The following DNAH9 variants were observed in gnomAD, a reference collection of about 807,000 sequenced individuals.
The protein encoded by DNAH9 is DNAH9 variant protein.
Under a neutral mutation model 471.6 loss-of-function variants are expected in DNAH9, and 345 were observed. The observed-to-expected ratio is 0.73, with a 90% CI of 0.67 to 0.80. DNAH9 has a LOEUF of 0.80. Among genes scored for constraint, DNAH9 ranks in the 30% least tolerant of loss-of-function variants. The probability of loss-of-function intolerance (pLI) is 0.00; values close to 1 mark genes in which losing one functional copy is unlikely to be tolerated. For synonymous variants in DNAH9, 2,093 were observed against 2,123.6 expected, an observed-to-expected ratio of 0.99 and a Z score of 0.40; for missense variants, 5,407 against 5,609.2, an observed-to-expected ratio of 0.96 and a Z score of 1.15.
intron 30 of DNAH9, 67 bp downstream of exon 30, chr17:11,742,380 G>A (rs1185734580): frequency 8.6e-6 from 13 of 1,517,276 alleles, no homozygotes; most frequent in South Asian, 1.2e-5. Flanking sequence ...AAAAGTTCTG[G>A]AACAAATGTA....
chr17:11,680,238 G>A (rs1196525688), intron 18 of DNAH9, among the ~76,000 whole-genome samples: 1 of 147,070 alleles, frequency 6.8e-6, no homozygotes, highest in South Asian at 2.1e-4. Flanking sequence ...CAATGTTTTG[G>A]TTGAGAAAAA....
chr17:11,813,887 A>G (rs968414017), intron 45 of DNAH9, among the ~76,000 whole-genome samples: 5 of 152,214 alleles, frequency 3.3e-5, no homozygotes, highest in Non-Finnish European at 7.3e-5. Flanking sequence ...AAAATATTAA[A>G]TTAGGTTCCT....
intron 13 of DNAH9, among the ~76,000 whole-genome samples, chr17:11,652,327 C>T (rs1161828131): frequency 5.0e-5 from 7 of 139,200 alleles, no homozygotes; most frequent in Non-Finnish European, 9.2e-5. Context: ...GCTCTGTCAC[C>T]CAGGCTGGAG....
chr17:11,894,500 A>C lies in DNAH9; in HGVS notation c.11406+4A>C. 6.2e-7 allele frequency: 1 copy of C among 1,610,072 alleles called. No homozygotes were observed. The highest frequency in any genetic ancestry group is 1.1e-5 in the South Asian group (1 of 90,996). ...TCAGGCGTGGGGAGCTGTCAAGGTCAGTATTGACCCCTAGAAAAAAGCCAA... is the reference window on the plus strand; with the variant it reads ...TCAGGCGTGGGGAGCTGTCAAGGTCCGTATTGACCCCTAGAAAAAAGCCAA... On this transcript the variant is annotated splice_donor_region_variant and intron_variant, in intron 59 of 68. Transcript: ENST00000262442.
chr17:11,795,719 T>C (rs1969216504), intron 42 of DNAH9, among the ~76,000 whole-genome samples: 1 of 152,226 alleles, frequency 6.6e-6, no homozygotes, highest in South Asian at 2.1e-4. Context: ...GTCTTCATGG[T>C]CTTTACAAGT....
chr17:11,608,486 A>G (rs1212635551), intron 2 of DNAH9, among the ~76,000 whole-genome samples, 161 bp downstream of exon 2: 1 of 152,196 alleles, frequency 6.6e-6, no homozygotes, highest in Admixed American at 6.5e-5. Flanking sequence ...CAGACTGTGG[A>G]CTGTGTGTTT....
chr17:11,692,340 A>T (rs924687176), intron 20 of DNAH9, among the ~76,000 whole-genome samples: 2 of 152,196 alleles, frequency 1.3e-5, no homozygotes, highest in Non-Finnish European at 2.9e-5. Context: ...GTTATGTAAT[A>T]ATAATACCAC....
At chr17:11,807,947 ACAGTTCCATCATCCTTCACTCGTTCTC>A in intron 44 of DNAH9, 53 bp downstream of exon 44, 21 of 1,547,368 alleles carry the variant, frequency 1.4e-5, no homozygotes, top group Non-Finnish European at 1.8e-5. Context: ...CCAACCAGCC[ACAGTTCCATCATCCTTCACTCGTTCTC>A]CAGTTCCCCT....
At chr17:11,856,944 C>A (rs1971647919) in intron 50 of DNAH9, among the ~76,000 whole-genome samples, 1 of 151,954 alleles carries the variant, frequency 6.6e-6, no homozygotes, top group Non-Finnish European at 1.5e-5. Context: ...GAACTCTTGG[C>A]CTCAAGTGAA....
In DNAH9 at chr17:11,719,423, A is replaced by G. The variant is rs763383030; in HGVS notation, c.5642A>G (p.Lys1881Arg). The change falls in exon 27 of 69, where the codon AAG becomes AGG. Residue 1881 changes from lysine (K) to arginine (R), a missense_variant. This residue lies in a region of DNAH9 where 4,636 missense variants were observed against 4,900.3 expected (regional missense o/e 0.95). Transcript: ENST00000262442. ...GGCACAGGCAAGACCGAGACCACCAAGGACCTGGGCCGCGCACTGGGCATC... is the reference window on the plus strand; with the variant it reads ...GGCACAGGCAAGACCGAGACCACCAGGGACCTGGGCCGCGCACTGGGCATC... The part of the protein sequence containing the change: ...PAGTGKTETT[K>R]DLGRALGILV... 2.5e-6 allele frequency: 4 copies of G among 1,613,826 alleles called. No homozygotes were observed. The highest frequency in any genetic ancestry group is 2.5e-6 in the Non-Finnish European group (3 of 1,179,932).
At chr17:11,871,847 C>T in intron 52 of DNAH9, 61 bp downstream of exon 52, 2 of 1,560,968 alleles carry the variant, frequency 1.3e-6, no homozygotes, top group Admixed American at 3.4e-5. Flanking sequence ...GGGAAGACAT[C>T]ACGGTCATAA....
At chr17:11,762,760 T>TTTTTTTGTTG (rs1567783139) in intron 35 of DNAH9, among the ~76,000 whole-genome samples, 8 of 103,996 alleles carry the variant, frequency 7.7e-5, no homozygotes, top group South Asian at 3.4e-4. Flanking sequence ...TTAGGTGCGT[T>TTTTTTTGTTG]TTTTTTTTTG....
intron 33 of DNAH9, among the ~76,000 whole-genome samples, chr17:11,753,539 C>A (rs765738816): frequency 1.3e-5 from 2 of 152,140 alleles, no homozygotes; most frequent in Non-Finnish European, 2.9e-5. Flanking sequence ...TTGTGGCAAG[C>A]GCCTGTAATC....
intron 56 of DNAH9, among the ~76,000 whole-genome samples, chr17:11,884,746 A>G (rs759579014): frequency 3.3e-5 from 5 of 152,158 alleles, no homozygotes; most frequent in Admixed American, 6.5e-5. Context: ...TTCCACTATC[A>G]GTTACCTATG....
chr17:11,897,476 T>C (rs1448202498), intron 59 of DNAH9, among the ~76,000 whole-genome samples: 1 of 152,230 alleles, frequency 6.6e-6, no homozygotes. Context: ...GAGTCACTCA[T>C]GGCCAGTGGC....
chr17:11,668,003 A>T (rs956088789), intron 15 of DNAH9, among the ~76,000 whole-genome samples: 7 of 152,210 alleles, frequency 4.6e-5, no homozygotes, highest in Admixed American at 1.3e-4. Context: ...ATATAACTAC[A>T]ATTGAAAAGT....
chr17:11,775,595 CTTTTTTTT>C (rs71142246), intron 38 of DNAH9, among the ~76,000 whole-genome samples: 8 of 61,014 alleles, frequency 1.3e-4, no homozygotes, highest in South Asian at 6.5e-4. Context: ...ATCAGATGTT[CTTTTTTTT>C]TTTTTTTTTT....
intron 67 of DNAH9, 108 bp downstream of exon 67, chr17:11,942,593 CCTG>C (rs1167383531): frequency 3.3e-6 from 4 of 1,203,886 alleles, no homozygotes; most frequent in Non-Finnish European, 4.5e-6. Context: ...GAGCAGTTGT[CCTG>C]CAGCATCCTA....
At chr17:11,873,673 T>C (rs1972364072) in intron 52 of DNAH9, among the ~76,000 whole-genome samples, 2 of 151,896 alleles carry the variant, frequency 1.3e-5, no homozygotes, top group Non-Finnish European at 2.9e-5. Flanking sequence ...GATTCATTTA[T>C]AGTAAAATAT....
Sources: gnomAD v4.1 joint callset for allele counts (sites outside exome capture counted in the v4.1 genomes callset) on GRCh38, gnomAD v4.1.1 for gene constraint, gnomAD v4.1.1 regional missense constraint, MANE v1.5 for transcripts, NCBI Gene and HGNC (gene_info 2026-07-23, HGNC 2026-07-21) for gene names.